FAM241A: variants seen among roughly 807,000 people sequenced by gnomAD.
FAM241A encodes the protein family with sequence similarity 241 member A.
Under a neutral mutation model 12.2 loss-of-function variants are expected in FAM241A, and 7 were observed. The ratio of observed to expected loss-of-function variants is 0.58; its 90% CI spans 0.33 to 1.08. The LOEUF (loss-of-function observed/expected upper bound fraction) is 1.08, where lower values mean the gene tolerates loss of function less well. Among genes scored for constraint, FAM241A ranks in the 50% least tolerant of loss-of-function variants. The probability of loss-of-function intolerance (pLI) is 0.04; values close to 1 mark genes in which losing one functional copy is unlikely to be tolerated. For synonymous variants in FAM241A, 74 were observed against 68.2 expected (o/e 1.08, Z -0.42); for missense variants, 161 against 169.7 (o/e 0.95, Z 0.29).
At chr4:112,178,896 G>A (rs955843315) in intron 1 of FAM241A, among the ~76,000 whole-genome samples, 1 of 152,148 alleles carries the variant, frequency 6.6e-6, no homozygotes, top group Admixed American at 6.6e-5. Flanking sequence ...TCACTCATGA[G>A]AGAAATACAA....
intron 1 of FAM241A, among the ~76,000 whole-genome samples, chr4:112,173,216 AAGG>A: frequency 6.6e-6 from 1 of 152,322 alleles, no homozygotes; most frequent in East Asian, 1.9e-4. Context: ...TGGGCCATAG[AAGG>A]AGGAGACCAT....
intron 1 of FAM241A, among the ~76,000 whole-genome samples, chr4:112,170,886 GAAA>G (rs34674981): frequency 7.5e-6 from 1 of 132,714 alleles, no homozygotes; most frequent in Non-Finnish European, 1.6e-5. Context: ...TTAAAAATAG[GAAA>G]AAAAAAAAAA....
intron 1 of FAM241A, among the ~76,000 whole-genome samples, chr4:112,158,931 T>C (rs1408597930): frequency 2.0e-5 from 3 of 152,166 alleles, no homozygotes; most frequent in Non-Finnish European, 4.4e-5. Flanking sequence ...CACTAGATTT[T>C]TTCTGACTGT....
At position 112,189,370 on chromosome 4, in the gene FAM241A, CAAAAAAAAAAA is replaced by C. The variant is rs542269288; in HGVS notation, c.*2447_*2457del. 1.0e-4 allele frequency: 8 copies of C among 78,448 alleles called. No individual in the cohort carries two copies. Among genetic ancestry groups the C allele is most frequent in the African/African-American group, 4.1e-4 (8 of 19,686 alleles). The allele number at this position is 78,448 out of a possible 1,614,324, so 4.9% of individuals were successfully genotyped here. A position where few individuals can be genotyped will look rare whatever the true frequency, so the allele number is the denominator to read the frequency against. The stretch of plus-strand genomic sequence containing the variant: ...TGGGTAACAGAGTGAGACCCCATCT[CAAAAAAAAAAA>C]AAAAAAAAAAAAAATTGGATTGAAA... On this transcript the variant is annotated 3_prime_UTR_variant, in exon 2 of 2. Coordinates refer to ENST00000309733, the MANE Select transcript of FAM241A (RefSeq NM_152400.3).
At chr4:112,180,364 A>G (rs1238622452) in intron 1 of FAM241A, among the ~76,000 whole-genome samples, 1 of 152,180 alleles carries the variant, frequency 6.6e-6, no homozygotes, top group African/African-American at 2.4e-5. Flanking sequence ...AAAAGTTGAA[A>G]GTATTTTTAA....
chr4:112,170,014 G>A (rs1470177064), intron 1 of FAM241A, among the ~76,000 whole-genome samples: 2 of 152,178 alleles, frequency 1.3e-5, no homozygotes, highest in African/African-American at 2.4e-5. Flanking sequence ...AGTGGATTAA[G>A]TGGAACAAAA....
chr4:112,166,985 G>A (rs1181276596), intron 1 of FAM241A, among the ~76,000 whole-genome samples: 1 of 105,720 alleles, frequency 9.5e-6, no homozygotes, highest in Non-Finnish European at 1.8e-5. Flanking sequence ...GTAGTGGCGG[G>A]CGCCTGTAGT....
At chr4:112,172,201 A>G (rs1723737667) in intron 1 of FAM241A, among the ~76,000 whole-genome samples, 1 of 152,198 alleles carries the variant, frequency 6.6e-6, no homozygotes, top group African/African-American at 2.4e-5. Context: ...CATACTATTC[A>G]ATTAGTGTTC....
chr4:112,176,913 G>GA (rs1173032786), intron 1 of FAM241A, among the ~76,000 whole-genome samples: 14 of 151,634 alleles, frequency 9.2e-5, no homozygotes, highest in Non-Finnish European at 1.8e-4. Context: ...GATAGAACAG[G>GA]AAAAAAAAGC....
chr4:112,183,910 C>T (rs912691894), intron 1 of FAM241A, among the ~76,000 whole-genome samples: 1 of 151,436 alleles, frequency 6.6e-6, no homozygotes, highest in African/African-American at 2.4e-5. Context: ...TGTTATGGAT[C>T]ATATCAAAGT....
chr4:112,170,317 T>A (rs1723690763), intron 1 of FAM241A, among the ~76,000 whole-genome samples: 1 of 152,204 alleles, frequency 6.6e-6, no homozygotes, highest in Non-Finnish European at 1.5e-5. Context: ...TTGATGATAG[T>A]ACTGAACCCT....
At chr4:112,182,911 A>G (rs114236549) in intron 1 of FAM241A, among the ~76,000 whole-genome samples, 99 of 152,074 alleles carry the variant, frequency 6.5e-4, no homozygotes, top group African/African-American at 2.3e-3. Context: ...GAGATTGACT[A>G]TAATCTCACT....
At chr4:112,171,371 T>G in intron 1 of FAM241A, 2 of 762,292 alleles carry the variant, frequency 2.6e-6, no homozygotes, top group Non-Finnish European at 2.4e-6. Flanking sequence ...GGGGACAAGC[T>G]AAGCCAATTT....
intron 1 of FAM241A, among the ~76,000 whole-genome samples, chr4:112,154,588 G>A (rs1247334470): frequency 6.6e-6 from 1 of 152,016 alleles, no homozygotes; most frequent in Non-Finnish European, 1.5e-5. Flanking sequence ...TAATGGATAA[G>A]TTTACCCATC....
chr4:112,161,909 A>G (rs1449879424), intron 1 of FAM241A, among the ~76,000 whole-genome samples: 2 of 152,218 alleles, frequency 1.3e-5, no homozygotes, highest in Admixed American at 6.5e-5. Context: ...AGAAATCTTC[A>G]ATAAAATACT....
At chr4:112,150,725 A>T (rs1723230414) in intron 1 of FAM241A, among the ~76,000 whole-genome samples, 1 of 152,220 alleles carries the variant, frequency 6.6e-6, no homozygotes, top group Non-Finnish European at 1.5e-5. Flanking sequence ...GATCAGGGTT[A>T]CCTGGGTTTG....
chr4:112,148,751 C>G (rs1723188648), intron 1 of FAM241A, among the ~76,000 whole-genome samples: 1 of 152,204 alleles, frequency 6.6e-6, no homozygotes, highest in Non-Finnish European at 1.5e-5. Context: ...CAAGTATGTT[C>G]ATGAGGGTGA....
intron 1 of FAM241A, 22 bp downstream of exon 1, chr4:112,145,755 G>A: frequency 2.6e-6 from 3 of 1,171,292 alleles, no homozygotes; most frequent in Non-Finnish European, 3.2e-6. Flanking sequence ...GAGGGGCGGC[G>A]GCGAAGCGGC....
rs183671869 is a variant in FAM241A at position 112,178,567 on chromosome 4, A to G, written c.154-8126A>G. 2.0e-3 allele frequency among the ~76,000 whole-genome samples: 312 copies of G among 152,308 alleles called. 1 individual carries two copies. Among genetic ancestry groups the G allele is most frequent in the African/African-American group, 7.2e-3 (299 of 41,586 alleles). On this transcript the variant is annotated intron_variant, in intron 1 of 1. Transcript: ENST00000309733. Reference sequence around the variant, plus strand: ...GAAAATCTAGGAAATACCCTTCTCAACATCGGCCTTGGCAAAGAATTTTTG... The same window carrying G: ...GAAAATCTAGGAAATACCCTTCTCAGCATCGGCCTTGGCAAAGAATTTTTG...
Sources: gnomAD v4.1 joint callset for allele counts (sites outside exome capture counted in the v4.1 genomes callset) on GRCh38, gnomAD v4.1.1 for gene constraint, MANE v1.5 for transcripts, NCBI Gene and HGNC (gene_info 2026-07-23, HGNC 2026-07-21) for gene names.